NAPEPLD: variants seen among roughly 807,000 people sequenced by gnomAD.
The protein encoded by NAPEPLD is N-acyl phosphatidylethanolamine phospholipase D.
In NAPEPLD, 23 loss-of-function variants were observed where a neutral mutation model predicts 38.1. The observed-to-expected ratio is 0.60, with a 90% CI of 0.43 to 0.86. NAPEPLD has a LOEUF of 0.86. Among genes scored for constraint, NAPEPLD ranks in the 40% least tolerant of loss-of-function variants. NAPEPLD has a pLI of 0.00. For synonymous variants in NAPEPLD, 147 were observed against 162.0 expected, an observed-to-expected ratio of 0.91 and a Z score of 0.71; for missense variants, 411 against 476.8, an observed-to-expected ratio of 0.86 and a Z score of 1.28.
In NAPEPLD at chr7:103,115,166, A is replaced by G; in HGVS notation, c.950T>C (p.Met317Thr). 1 of 1,610,678 alleles carries G rather than the reference A, an allele frequency of 6.2e-7. No homozygotes were observed. The highest frequency in any genetic ancestry group is 8.5e-7 in the Non-Finnish European group (1 of 1,178,148). The change falls in exon 4 of 5, where the codon ATG becomes ACG. Residue 317 changes from methionine to threonine, a missense_variant. By Grantham distance (81) the Met-to-Thr change is moderately conservative (BLOSUM62 -1). Transcript: ENST00000465647. The part of the protein sequence containing the change: ...PIGAYEPRWF[M>T]KYQHVDPEEA... ...TTCTGGGTCTACATGCTGGTATTTC[A>G]TAAACCACCTGAAGAAACATGGCAA...
intron 1 of NAPEPLD, chr7:103,141,509 T>C (rs1354300021): frequency 2.8e-6 from 4 of 1,440,710 alleles, no homozygotes; most frequent in African/African-American, 1.4e-5. Context: ...TGCCTTCAGC[T>C]TGTGGATGTG....
intron 1 of NAPEPLD, chr7:103,147,845 G>T: frequency 2.7e-6 from 1 of 376,718 alleles, no homozygotes; most frequent in Non-Finnish European, 3.7e-6. Flanking sequence ...AGGAAAGCCT[G>T]CAGAATGTTA....
At chr7:103,124,005 A>AT (rs1222466264) in intron 2 of NAPEPLD, among the ~76,000 whole-genome samples, 1 of 152,200 alleles carries the variant, frequency 6.6e-6, no homozygotes, top group Non-Finnish European at 1.5e-5. Flanking sequence ...TAATAAAACT[A>AT]TTTTTAAAAG....
chr7:103,131,623 G>A (rs1373391994), intron 1 of NAPEPLD, among the ~76,000 whole-genome samples: 5 of 151,270 alleles, frequency 3.3e-5, no homozygotes, highest in Non-Finnish European at 7.4e-5. Flanking sequence ...TCGCGCTGTT[G>A]CACTCCAGCC....
chr7:103,149,199 G>C (rs978852790), upstream of NAPEPLD: 1 of 994,156 alleles, frequency 1.0e-6, no homozygotes, highest in African/African-American at 1.7e-5. Flanking sequence ...CAGAAACCAC[G>C]GAGCTCCGGA....
At chr7:103,141,557 T>A in intron 1 of NAPEPLD, 1 of 1,232,696 alleles carries the variant, frequency 8.1e-7, no homozygotes, top group Non-Finnish European at 1.2e-6. Context: ...CACATTCCTC[T>A]TCACCTTCAG....
chr7:103,108,421 G>A (rs976170851), intron 4 of NAPEPLD, among the ~76,000 whole-genome samples: 10 of 152,148 alleles, frequency 6.6e-5, no homozygotes, highest in Non-Finnish European at 1.5e-4. Context: ...GATTACAGGC[G>A]TGAGCCACCA....
intron 1 of NAPEPLD, among the ~76,000 whole-genome samples, chr7:103,134,865 A>G (rs961916570): frequency 6.6e-5 from 10 of 152,214 alleles, no homozygotes; most frequent in Non-Finnish European, 1.3e-4. Flanking sequence ...CCAAGTACAA[A>G]TATTTTCTCT....
In NAPEPLD at chr7:103,102,680, A is replaced by G. The variant is rs576697144; in HGVS notation, c.*749T>C. ...TCCCTCTCATCTGAAGGCTCTAGGAAAAAAAGAATATACTGTTCTTTTAAA... is the reference window on the plus strand; with the variant it reads ...TCCCTCTCATCTGAAGGCTCTAGGAGAAAAAGAATATACTGTTCTTTTAAA... On this transcript the variant is annotated 3_prime_UTR_variant, in exon 5 of 5. Transcript: ENST00000465647. 4.6e-5 allele frequency: 7 copies of G among 152,312 alleles called. No individual in the cohort carries two copies. The East Asian group carries it at 1.3e-3, about 29-fold the overall frequency. The allele number at this position is 152,312 out of a possible 1,614,324, so 9.4% of individuals were successfully genotyped here. A position where few individuals can be genotyped will look rare whatever the true frequency, so the allele number is the denominator to read the frequency against.
At chr7:103,143,165 T>G (rs570999454) in intron 1 of NAPEPLD, among the ~76,000 whole-genome samples, 2 of 151,964 alleles carry the variant, frequency 1.3e-5, no homozygotes, top group Admixed American at 1.3e-4. Context: ...AGGTCAAGGC[T>G]GTAGTGAGCC....
intron 1 of NAPEPLD, among the ~76,000 whole-genome samples, chr7:103,130,046 T>C (rs904421855): frequency 2.0e-5 from 3 of 152,218 alleles, no homozygotes; most frequent in Admixed American, 2.0e-4. Context: ...ATTTCTTTCT[T>C]ATTCTGTTAA....
intron 1 of NAPEPLD, chr7:103,141,396 CCTT>C: frequency 1.2e-6 from 1 of 833,370 alleles, no homozygotes; most frequent in Non-Finnish European, 2.1e-6. Context: ...ATGATCTCCT[CCTT>C]CTTGGCCTGG....
rs1172995882 is a variant in NAPEPLD at position 103,100,546 on chromosome 7, A to C, written c.*2883T>G. ...CTTTTATAATTTGGGATTTCTCCTA[A>C]TTGATGACCCACCCTATTGGGCAGT... On this transcript the variant is annotated 3_prime_UTR_variant, in exon 5 of 5. Transcript: ENST00000465647. The C allele has an allele frequency of 6.6e-6, 1 of 152,208 alleles. No homozygotes were observed. Among genetic ancestry groups the C allele is most frequent in the Non-Finnish European group, 1.5e-5 (1 of 68,046 alleles). The allele number at this position is 152,208 out of a possible 1,614,324, so 9.4% of individuals were successfully genotyped here. A position where few individuals can be genotyped will look rare whatever the true frequency, so the allele number is the denominator to read the frequency against.
chr7:103,142,915 C>T (rs1481820680), intron 1 of NAPEPLD, among the ~76,000 whole-genome samples: 1 of 152,020 alleles, frequency 6.6e-6, no homozygotes, highest in South Asian at 2.1e-4. Context: ...GAGATCCCCA[C>T]CAACTCTGCT....
rs1306122616 is a variant in NAPEPLD at position 103,128,695 on chromosome 7, C to T, written c.82G>A (p.Ala28Thr). ...GAATCACTTGCTCCGGAATTCCGTG[C>T]TGAATTTTGACGTTTTCTTACTGCT... ...KEAVRKRQNS[A>T]RNSGASDSSR... Residue 28 changes from alanine to threonine, a missense_variant, in exon 2 of 5, where the codon GCA (alanine) becomes ACA (threonine). Physicochemically the swap from Ala to Thr is moderately conservative, Grantham distance 58. Transcript: ENST00000465647. The T allele has an allele frequency of 6.2e-6, 10 of 1,614,022 alleles. No individual in the cohort carries two copies. The Admixed American group carries it at 1.3e-4, about 22-fold the overall frequency.
intron 2 of NAPEPLD, among the ~76,000 whole-genome samples, chr7:103,126,146 G>T (rs1447917969): frequency 6.6e-6 from 1 of 152,048 alleles, no homozygotes; most frequent in Non-Finnish European, 1.5e-5. Context: ...TTGGGTGACA[G>T]AGTGAGACCC....
chr7:103,141,240 GTTTTT>G, intron 1 of NAPEPLD: 2 of 10,048 alleles, frequency 2.0e-4, no homozygotes, highest in Admixed American at 1.7e-3. Context: ...CTGTGGAGTT[GTTTTT>G]TTTTTTTTTT....
intron 1 of NAPEPLD, among the ~76,000 whole-genome samples, chr7:103,131,280 G>C (rs1808890271): frequency 1.3e-5 from 2 of 152,072 alleles, no homozygotes; most frequent in South Asian, 4.2e-4. Context: ...AGGAAAAAAG[G>C]ACACTTTGAT....
intron 4 of NAPEPLD, among the ~76,000 whole-genome samples, chr7:103,104,627 G>A (rs1003306337): frequency 6.6e-6 from 1 of 152,186 alleles, no homozygotes; most frequent in Non-Finnish European, 1.5e-5. Flanking sequence ...TACTGAGTAA[G>A]TTTGGTTTTA....
Sources: allele counts gnomAD v4.1 joint callset (sites outside exome capture counted in the v4.1 genomes callset), GRCh38; gene constraint gnomAD v4.1.1; transcripts MANE v1.5; gene names NCBI Gene and HGNC (gene_info 2026-07-23, HGNC 2026-07-21).